PDE1A: variants seen among roughly 807,000 people sequenced by gnomAD.
The protein encoded by PDE1A is dual specificity calcium/calmodulin-dependent 3',5'-cyclic nucleotide phosphodiesterase 1A.
In PDE1A, 35 loss-of-function variants were observed where a neutral mutation model predicts 61.7. The ratio of observed to expected loss-of-function variants is 0.57; its 90% CI spans 0.43 to 0.75. The LOEUF (loss-of-function observed/expected upper bound fraction) is 0.75, where lower values mean the gene tolerates loss of function less well. Ranked by LOEUF, PDE1A falls within the 30% of genes least tolerant of loss-of-function variation. The pLI is 0.00. For missense variants in PDE1A, 597 were observed against 630.6 expected (o/e 0.95, Z 0.57); for synonymous variants, 232 against 213.2 (o/e 1.09, Z -0.77).
chr2:182,410,409 T>C (rs775636663), intron 1 of PDE1A, among the ~76,000 whole-genome samples: 4 of 152,006 alleles, frequency 2.6e-5, no homozygotes, highest in African/African-American at 4.8e-5. Context: ...TACCTACAGT[T>C]TGAAACTATG....
the PDE1A span, among the ~76,000 whole-genome samples, chr2:182,589,544 AAAAG>A: frequency 6.6e-6 from 1 of 152,348 alleles, no homozygotes; most frequent in South Asian, 2.1e-4. Context: ...TTCAAGGAGA[AAAAG>A]AAAACTAGAA....
At chr2:182,224,246 G>T (rs1688961592) in intron 6 of PDE1A, among the ~76,000 whole-genome samples, 1 of 151,714 alleles carries the variant, frequency 6.6e-6, no homozygotes, top group Non-Finnish European at 1.5e-5. Flanking sequence ...ACCCTAACTG[G>T]ATTTTGAATT....
At chr2:182,431,386 T>C (rs1703944640), upstream of PDE1A, among the ~76,000 whole-genome samples, 1 of 152,076 alleles carries the variant, frequency 6.6e-6, no homozygotes, top group South Asian at 2.1e-4. Context: ...CTACTATAAT[T>C]TTCATTTGTC....
chr2:182,340,072 A>G (rs757005476), intron 1 of PDE1A, among the ~76,000 whole-genome samples: 29 of 152,168 alleles, frequency 1.9e-4, no homozygotes, highest in Non-Finnish European at 4.0e-4. Context: ...AGAACAATTT[A>G]TGGGGATTGT....
the PDE1A span, among the ~76,000 whole-genome samples, chr2:182,601,987 C>A: frequency 1.3e-5 from 2 of 152,234 alleles, no homozygotes; most frequent in African/African-American, 4.8e-5. Flanking sequence ...AGCCTTCAGG[C>A]CCTCCCTGTC....
intron 2 of PDE1A, among the ~76,000 whole-genome samples, chr2:182,247,122 C>T (rs530045180): frequency 1.2e-4 from 19 of 152,066 alleles, no homozygotes; most frequent in African/African-American, 4.3e-4. Flanking sequence ...TCCTTCATTG[C>T]CTTTAGATTA....
rs144064704 is a variant in PDE1A at position 182,519,330 on chromosome 2, T to C, written c.101+2946A>G. Reference sequence around the variant, plus strand: ...TGAAAGACCTGATGCCATAGTTATTTGCCCATATTTCCACCATCATAGATG... The same window carrying C: ...TGAAAGACCTGATGCCATAGTTATTCGCCCATATTTCCACCATCATAGATG... On this transcript the variant is annotated intron_variant, in intron 2 of 14. Coordinates refer to the PDE1A transcript ENST00000410103. 1.5e-3 allele frequency among the ~76,000 whole-genome samples: 222 copies of C among 152,210 alleles called. 2 individuals carry two copies. Among genetic ancestry groups the C allele is most frequent in the African/African-American group, 5.1e-3 (213 of 41,562 alleles).
At chr2:182,364,937 T>C (rs1207457492) in intron 1 of PDE1A, among the ~76,000 whole-genome samples, 1 of 152,032 alleles carries the variant, frequency 6.6e-6, no homozygotes, top group Non-Finnish European at 1.5e-5. Context: ...AATTAATACA[T>C]CTGCTGCTCT....
At chr2:182,549,160 A>T in the PDE1A span, among the ~76,000 whole-genome samples, 8 of 152,190 alleles carry the variant, frequency 5.3e-5, no homozygotes, top group African/African-American at 1.9e-4. Context: ...TTTATGGAGA[A>T]AATATTTCAA....
chr2:182,584,425 G>A, the PDE1A span, among the ~76,000 whole-genome samples: 3 of 152,230 alleles, frequency 2.0e-5, no homozygotes, highest in South Asian at 2.1e-4. Flanking sequence ...TAGCTCTACC[G>A]CTGACTATCT....
At chr2:182,360,932 T>A (rs1257280111) in intron 1 of PDE1A, among the ~76,000 whole-genome samples, 1 of 152,100 alleles carries the variant, frequency 6.6e-6, no homozygotes, top group Non-Finnish European at 1.5e-5. Flanking sequence ...AATTTATTTA[T>A]CTGTAAACAG....
chr2:182,221,605 A>G (rs1021832261), intron 7 of PDE1A, among the ~76,000 whole-genome samples: 1 of 151,996 alleles, frequency 6.6e-6, no homozygotes, highest in African/African-American at 2.4e-5. Flanking sequence ...GGTTTCCTCC[A>G]TTCCAGGGAC....
At chr2:182,212,239 CTTTCTA>C (rs914705031) in intron 7 of PDE1A, among the ~76,000 whole-genome samples, 1 of 125,964 alleles carries the variant, frequency 7.9e-6, no homozygotes, top group Admixed American at 8.4e-5. Context: ...ACATATATAT[CTTTCTA>C]TATATATATA....
At chr2:182,519,856 A>C (rs551389013) in intron 2 of PDE1A, among the ~76,000 whole-genome samples, 1 of 151,892 alleles carries the variant, frequency 6.6e-6, no homozygotes, top group African/African-American at 2.4e-5. Flanking sequence ...TAACCTTAAA[A>C]TTTACATACT....
chr2:182,635,670 ATCTATC>A, the PDE1A span, among the ~76,000 whole-genome samples: 10 of 148,788 alleles, frequency 6.7e-5, no homozygotes, highest in East Asian at 7.9e-4. Flanking sequence ...TTTTAAGAGT[ATCTATC>A]TCTCTCTCTC....
chr2:182,236,973 G>A (rs1410253111), intron 3 of PDE1A, among the ~76,000 whole-genome samples: 1 of 152,280 alleles, frequency 6.6e-6, no homozygotes, highest in East Asian at 1.9e-4. Flanking sequence ...AGAACACTAA[G>A]ATGGAAAATT....
intron 1 of PDE1A, among the ~76,000 whole-genome samples, chr2:182,286,225 C>T (rs1259761628): frequency 6.6e-6 from 1 of 152,122 alleles, no homozygotes; most frequent in Non-Finnish European, 1.5e-5. Flanking sequence ...TACATTTCCT[C>T]CTCCTCTGAT....
intron 6 of PDE1A, 90 bp downstream of exon 6, chr2:182,229,916 A>G (rs1689438500): frequency 5.5e-6 from 5 of 902,374 alleles, no homozygotes; most frequent in Non-Finnish European, 8.5e-6. Flanking sequence ...GAATACCTCT[A>G]TGGGCATTAA....
At chr2:182,549,867 A>C in the PDE1A span, among the ~76,000 whole-genome samples, 1 of 152,176 alleles carries the variant, frequency 6.6e-6, no homozygotes, top group South Asian at 2.1e-4. Context: ...AAATAGTAAC[A>C]TTTGGTTAAG....
Sources: allele counts gnomAD v4.1 joint callset (sites outside exome capture counted in the v4.1 genomes callset), GRCh38; gene constraint gnomAD v4.1.1; transcripts MANE v1.5; gene names NCBI Gene and HGNC (gene_info 2026-07-23, HGNC 2026-07-21).